Variants in ARHGAP10 observed in about 807,000 individuals in gnomAD.
The protein encoded by ARHGAP10 is rho GTPase-activating protein 10.
Under a neutral mutation model 108.6 loss-of-function variants are expected in ARHGAP10, and 87 were observed. That is an observed-to-expected ratio of 0.80 (90% CI 0.67 to 0.96). The LOEUF (loss-of-function observed/expected upper bound fraction) is 0.96. ARHGAP10 is among the 40% of genes least tolerant of loss of function. The pLI is 0.00. For missense variants in ARHGAP10, 939 were observed against 954.5 expected (o/e 0.98, Z 0.21); for synonymous variants, 347 against 341.1 (o/e 1.02, Z -0.19).
chr4:147,826,270 T>C (rs1365607286), intron 3 of ARHGAP10, among the ~76,000 whole-genome samples: 1 of 152,218 alleles, frequency 6.6e-6, no homozygotes, highest in African/African-American at 2.4e-5. Context: ...CCAGGCTGTG[T>C]GGAGTAGACA....
At chr4:147,939,985 G>A (rs778679586) in intron 14 of ARHGAP10, 86 bp downstream of exon 14, 2 of 1,261,926 alleles carry the variant, frequency 1.6e-6, no homozygotes, top group Non-Finnish European at 2.3e-6. Flanking sequence ...ATAATGTAGA[G>A]AATACTTGTC....
chr4:147,944,637 G>T (rs1405078260), intron 14 of ARHGAP10, among the ~76,000 whole-genome samples: 1 of 152,134 alleles, frequency 6.6e-6, no homozygotes, highest in African/African-American at 2.4e-5. Flanking sequence ...CTAACAAGAT[G>T]TTGCCTTCTC....
intron 3 of ARHGAP10, among the ~76,000 whole-genome samples, chr4:147,830,222 TG>T (rs1732894665): frequency 6.6e-6 from 1 of 152,204 alleles, no homozygotes; most frequent in Non-Finnish European, 1.5e-5. Flanking sequence ...GATCACTTCC[TG>T]GGTGACCTGC....
intron 11 of ARHGAP10, 140 bp downstream of exon 11, chr4:147,906,859 A>G (rs1736518308): frequency 1.0e-6 from 1 of 960,674 alleles, no homozygotes; most frequent in Non-Finnish European, 1.6e-6. Flanking sequence ...GAAGCATTCA[A>G]CATTCTAGTA....
At chr4:147,770,129 A>T (rs1002826946) in intron 1 of ARHGAP10, among the ~76,000 whole-genome samples, 1 of 152,184 alleles carries the variant, frequency 6.6e-6, no homozygotes, top group African/African-American at 2.4e-5. Context: ...CAGGTGACAC[A>T]TGGGCCTTAG....
chr4:147,781,177 T>C (rs1174991875), intron 1 of ARHGAP10, among the ~76,000 whole-genome samples: 1 of 151,968 alleles, frequency 6.6e-6, no homozygotes, highest in East Asian at 1.9e-4. Context: ...GCTAACATGG[T>C]GAAACCCCGT....
chr4:147,928,698 A>G (rs912343894), intron 13 of ARHGAP10, among the ~76,000 whole-genome samples: 15 of 152,210 alleles, frequency 9.9e-5, no homozygotes, highest in Non-Finnish European at 1.8e-4. Context: ...CTCGTTAAAT[A>G]AATTTTGACT....
At chr4:148,038,709 G>A (rs1447451375) in intron 19 of ARHGAP10, among the ~76,000 whole-genome samples, 2 of 152,118 alleles carry the variant, frequency 1.3e-5, no homozygotes, top group Admixed American at 6.5e-5. Context: ...AGAAAATGCA[G>A]GGTGACAGGA....
intron 10 of ARHGAP10, among the ~76,000 whole-genome samples, chr4:147,887,751 A>G (rs1735629526): frequency 6.6e-6 from 1 of 151,704 alleles, no homozygotes; most frequent in African/African-American, 2.4e-5. Flanking sequence ...AGTCCCAGCT[A>G]CTCAGGAGGC....
Position 147,914,846 on chromosome 4 carries a change from AT to A in ARHGAP10, c.1228+1716del, listed in dbSNP as rs200667293. Reference sequence around the variant, plus strand: ...CCTCCGCTGACCAATAACCCAAAACATTTTTTTTTAAGTCTCTAAGCAAAAA... The same window carrying A: ...CCTCCGCTGACCAATAACCCAAAACATTTTTTTTAAGTCTCTAAGCAAAAA... On this transcript the variant is annotated intron_variant, in intron 13 of 22. Transcript: ENST00000336498. 7.3e-5 allele frequency among the ~76,000 whole-genome samples: 11 copies of A among 151,448 alleles called. No homozygotes were observed. The South Asian group carries it at 8.3e-4, about 11-fold the overall frequency.
rs543327513 is a variant in ARHGAP10, at chr4:148,001,236, A to G, written c.1717-22027A>G. Among the ~76,000 whole-genome samples the G allele has an allele frequency of 5.3e-5, 8 of 152,128 alleles. No individual in the cohort carries two copies. In the South Asian group the frequency reaches 1.7e-3, roughly 32 times the overall value. On this transcript the variant is annotated intron_variant, in intron 18 of 22. Transcript: ENST00000336498. ...GATCATACGGTTGTAGATGTGTGGT[A>G]TTATTTCTGAGGGCTCTGTTCTGTT...
intron 1 of ARHGAP10, among the ~76,000 whole-genome samples, chr4:147,785,228 A>T (rs1730839820): frequency 6.6e-6 from 1 of 151,842 alleles, no homozygotes; most frequent in Admixed American, 6.6e-5. Context: ...TAAAATCACA[A>T]GGCTGTAGTT....
chr4:147,908,647 C>T (rs1263607282), intron 11 of ARHGAP10, among the ~76,000 whole-genome samples: 6 of 152,312 alleles, frequency 3.9e-5, no homozygotes, highest in South Asian at 2.1e-4. Context: ...GCTATTTCTG[C>T]TGTACTTACT....
intron 7 of ARHGAP10, among the ~76,000 whole-genome samples, chr4:147,869,652 C>T (rs1228537969): frequency 6.6e-6 from 1 of 151,760 alleles, no homozygotes. Flanking sequence ...TCCCTACATT[C>T]TCAACTTTTT....
intron 18 of ARHGAP10, among the ~76,000 whole-genome samples, chr4:148,021,917 GA>G (rs954288366): frequency 1.3e-5 from 2 of 152,176 alleles, no homozygotes; most frequent in African/African-American, 4.8e-5. Context: ...ATTTACACAT[GA>G]GGGGGCAGTA....
chr4:147,919,659 G>A (rs546955792), intron 13 of ARHGAP10, among the ~76,000 whole-genome samples: 26 of 151,966 alleles, frequency 1.7e-4, no homozygotes, highest in African/African-American at 4.1e-4. Context: ...TGCAGCCTCC[G>A]TCTCCGCCTC....
intron 13 of ARHGAP10, among the ~76,000 whole-genome samples, chr4:147,914,631 G>T (rs1450737800): frequency 8.5e-6 from 1 of 117,678 alleles, no homozygotes; most frequent in Non-Finnish European, 1.7e-5. Context: ...ATAGTCTTTT[G>T]ACTCTGGCTT....
intron 1 of ARHGAP10, among the ~76,000 whole-genome samples, chr4:147,773,483 G>A (rs1730157072): frequency 6.6e-6 from 1 of 152,172 alleles, no homozygotes; most frequent in Admixed American, 6.5e-5. Flanking sequence ...GAGACAGCTT[G>A]GGAAACAGTG....
chr4:147,943,979 A>C (rs1194133362), intron 14 of ARHGAP10, among the ~76,000 whole-genome samples: 2 of 152,234 alleles, frequency 1.3e-5, no homozygotes, highest in Non-Finnish European at 2.9e-5. Flanking sequence ...ATGATTCTCA[A>C]AATACGGAAT....
Sources: gnomAD v4.1 joint callset for allele counts (sites outside exome capture counted in the v4.1 genomes callset) on GRCh38, gnomAD v4.1.1 for gene constraint, MANE v1.5 for transcripts, NCBI Gene and HGNC (gene_info 2026-07-23, HGNC 2026-07-21) for gene names.